Variants in CSNK1G1 observed in about 807,000 individuals in gnomAD.
CSNK1G1 encodes the protein casein kinase I isoform gamma-1.
CSNK1G1 carries 22 observed loss-of-function variants against 59.6 expected under a neutral mutation model. The observed-to-expected ratio is 0.37, with a 90% CI of 0.26 to 0.53. The LOEUF (loss-of-function observed/expected upper bound fraction) is 0.53, where lower values mean the gene tolerates loss of function less well. Ranked by LOEUF, CSNK1G1 falls within the 20% of genes least tolerant of loss-of-function variation. The pLI, the probability that CSNK1G1 is intolerant of heterozygous loss-of-function variation, is 0.89. For synonymous variants in CSNK1G1, 179 were observed against 177.1 expected (o/e 1.01, Z -0.08); for missense variants, 384 against 519.5 (o/e 0.74, Z 2.54).
At chr15:64,343,044 C>A (rs1009610626) in intron 1 of CSNK1G1, among the ~76,000 whole-genome samples, 1 of 152,104 alleles carries the variant, frequency 6.6e-6, no homozygotes, top group Admixed American at 6.6e-5. Context: ...GAAACCCTAC[C>A]TCTATTAAAA....
intron 5 of CSNK1G1, among the ~76,000 whole-genome samples, chr15:64,215,350 C>G (rs1321912776): frequency 6.6e-6 from 1 of 151,530 alleles, no homozygotes; most frequent in Non-Finnish European, 1.5e-5. Flanking sequence ...GTAGCTGGGA[C>G]TAAAGGCGCT....
intron 10 of CSNK1G1, among the ~76,000 whole-genome samples, chr15:64,193,484 T>A (rs1231407085): frequency 2.0e-5 from 1 of 50,566 alleles, no homozygotes; most frequent in Non-Finnish European, 3.3e-5. Context: ...AGAGTGAGAC[T>A]CTGTCTCAAA....
intron 10 of CSNK1G1, among the ~76,000 whole-genome samples, chr15:64,185,454 C>T (rs1375467821): frequency 6.6e-6 from 1 of 152,212 alleles, no homozygotes; most frequent in Non-Finnish European, 1.5e-5. Flanking sequence ...GGTGTAACTG[C>T]CTGTCCTCTA....
chr15:64,301,392 C>T (rs1382705183), intron 1 of CSNK1G1, among the ~76,000 whole-genome samples: 2 of 151,010 alleles, frequency 1.3e-5, no homozygotes, highest in Admixed American at 6.6e-5. Flanking sequence ...AAATCTTAAG[C>T]GTAACATTCA....
In CSNK1G1 at chr15:64,350,846, T is replaced by C. The variant is rs116569135; in HGVS notation, c.-225+5142A>G. On this transcript the variant is annotated intron_variant, in intron 1 of 11. Transcript: ENST00000303052. ...TCCCAATAATGTCAAAATCCAATTTTGCTCTCCAAATAAGTAATCTCCACA... is the reference window on the plus strand; with the variant it reads ...TCCCAATAATGTCAAAATCCAATTTCGCTCTCCAAATAAGTAATCTCCACA... Among the ~76,000 whole-genome samples, 1,275 of 152,202 alleles carry C rather than the reference T, an allele frequency of 8.4e-3. 18 individuals are homozygous for C. The highest frequency in any genetic ancestry group is 0.029 in the African/African-American group (1,196 of 41,536).
At chr15:64,181,299 T>A in intron 10 of CSNK1G1, 1 of 1,536,134 alleles carries the variant, frequency 6.5e-7, no homozygotes, top group Non-Finnish European at 8.7e-7. Flanking sequence ...CAATCAGGCT[T>A]CTCTTGCATG....
Position 64,165,717 on chromosome 15 carries a change from A to G in CSNK1G1, c.*6214T>C, listed in dbSNP as rs1204392246. The stretch of plus-strand genomic sequence containing the variant: ...TAAAAACAGACAAACCAATCAACCA[A>G]CCAAACAAGCAGAAGTAGCCAAGAA... On this transcript the variant is annotated 3_prime_UTR_variant, in exon 12 of 12. Transcript: ENST00000303052. The G allele has an allele frequency of 3.9e-6, 1 of 256,168 alleles. No individual in the cohort carries two copies. The highest frequency in any genetic ancestry group is 7.3e-6 in the Non-Finnish European group (1 of 136,198). The allele number at this position is 256,168 out of a possible 1,614,324, so 15.9% of individuals were successfully genotyped here. A position where few individuals can be genotyped will look rare whatever the true frequency, so the allele number is the denominator to read the frequency against.
At chr15:64,209,826 T>G (rs1157881214) in intron 6 of CSNK1G1, among the ~76,000 whole-genome samples, 6 of 152,194 alleles carry the variant, frequency 3.9e-5, no homozygotes, top group Admixed American at 3.9e-4. Context: ...TGCCTCTCCA[T>G]TTTTATATCC....
At chr15:64,186,420 T>C (rs1169390673) in intron 10 of CSNK1G1, among the ~76,000 whole-genome samples, 1 of 152,222 alleles carries the variant, frequency 6.6e-6, no homozygotes, top group African/African-American at 2.4e-5. Context: ...TGCTACTCTC[T>C]TGTTCTATTA....
chr15:64,255,868 T>A (rs973495651), intron 3 of CSNK1G1, among the ~76,000 whole-genome samples: 1 of 152,240 alleles, frequency 6.6e-6, no homozygotes, highest in African/African-American at 2.4e-5. Context: ...GGAATGTTTG[T>A]ATCTGTAGGA....
intron 2 of CSNK1G1, among the ~76,000 whole-genome samples, chr15:64,276,957 A>G (rs181862495): frequency 5.3e-5 from 8 of 151,976 alleles, no homozygotes; most frequent in Admixed American, 1.3e-4. Flanking sequence ...AAAAAAAAAA[A>G]AAAAAGAAAA....
intron 11 of CSNK1G1, among the ~76,000 whole-genome samples, chr15:64,177,804 T>C (rs1476012482): frequency 1.3e-5 from 2 of 152,212 alleles, no homozygotes. Context: ...GTTCAAAAGA[T>C]AAACCTGTAT....
intron 1 of CSNK1G1, among the ~76,000 whole-genome samples, chr15:64,347,508 C>G (rs776524262): frequency 6.7e-6 from 1 of 148,354 alleles, no homozygotes; most frequent in Non-Finnish European, 1.5e-5. Flanking sequence ...CCAAGCTACT[C>G]GGGAGGCTGA....
intron 4 of CSNK1G1, among the ~76,000 whole-genome samples, chr15:64,237,540 TAA>T (rs1194843875): frequency 2.6e-5 from 4 of 152,220 alleles, no homozygotes; most frequent in Non-Finnish European, 5.9e-5. Context: ...CTACCTGTGT[TAA>T]AAGAGTCCTC....
At chr15:64,319,603 T>C (rs1394617638) in intron 1 of CSNK1G1, among the ~76,000 whole-genome samples, 1 of 152,176 alleles carries the variant, frequency 6.6e-6, no homozygotes, top group African/African-American at 2.4e-5. Flanking sequence ...TGGAGTGCAG[T>C]GGCACGATCT....
rs2081652885 is a variant in CSNK1G1 at position 64,170,607 on chromosome 15, CCT to C, written c.*1322_*1323del. On this transcript the variant is annotated 3_prime_UTR_variant, in exon 12 of 12. Transcript: ENST00000303052. ...TTTTCCTGGCCCTATAATGCCACAC[CCT>C]GAGGTCCCTCTGGCAGGTGGAAGGC... The C allele has an allele frequency of 6.6e-6, 1 of 152,600 alleles. No homozygotes were observed. The highest frequency in any genetic ancestry group is 1.5e-5 in the Non-Finnish European group (1 of 68,036). 9.5% of individuals were successfully genotyped at this position (152,600 alleles called of 1,614,324 possible).
intron 4 of CSNK1G1, among the ~76,000 whole-genome samples, chr15:64,244,593 C>G (rs1229194784): frequency 6.6e-6 from 1 of 151,898 alleles, no homozygotes; most frequent in Non-Finnish European, 1.5e-5. Flanking sequence ...GCAAAAAGAA[C>G]AAAGCAAGGC....
intron 9 of CSNK1G1, 27 bp from the exon 10 acceptor site, chr15:64,203,216 T>G (rs778614961): frequency 1.3e-6 from 2 of 1,491,706 alleles, no homozygotes; most frequent in Non-Finnish European, 1.9e-6. Context: ...AAAAGTCAAA[T>G]GGGGGAAACA....
At position 64,188,242 on chromosome 15, in the gene CSNK1G1, A is replaced by G; in HGVS notation, c.1108-7788T>C. The G allele has an allele frequency of 1.6e-6, 1 of 621,466 alleles. No individual in the cohort carries two copies. Among genetic ancestry groups the G allele is most frequent in the Non-Finnish European group, 2.7e-6 (1 of 366,306 alleles). The allele number at this position is 621,466 out of a possible 1,614,324, so 38.5% of individuals were successfully genotyped here. ...CTCTTACCCAAGTCCACCTAGACAGAAAATCTACAGAGATATTCAATTAGC... is the reference window on the plus strand; with the variant it reads ...CTCTTACCCAAGTCCACCTAGACAGGAAATCTACAGAGATATTCAATTAGC... On this transcript the variant is annotated intron_variant, in intron 10 of 11. Transcript: ENST00000303052. The surrounding 1 kb of genome is among the most constrained non-coding windows in gnomAD (Gnocchi z 4.2).
Sources: allele counts gnomAD v4.1 joint callset (sites outside exome capture counted in the v4.1 genomes callset), GRCh38; gene constraint gnomAD v4.1.1; non-coding constraint Gnocchi (gnomAD v3.1); transcripts MANE v1.5; gene names NCBI Gene and HGNC (gene_info 2026-07-23, HGNC 2026-07-21).